Variants in PLOD2 observed in about 807,000 individuals in gnomAD.
PLOD2 encodes the protein lysine hydroxylase 2.
A neutral mutation model predicts 101.0 loss-of-function variants in PLOD2; 65 were observed. The ratio of observed to expected loss-of-function variants is 0.64; its 90% CI spans 0.53 to 0.79. The LOEUF (loss-of-function observed/expected upper bound fraction) is 0.79. PLOD2 is among the 30% of genes least tolerant of loss of function. The pLI is 0.00. For synonymous variants in PLOD2, 314 were observed against 302.9 expected, an observed-to-expected ratio of 1.04 and a Z score of -0.38; for missense variants, 909 against 914.6, an observed-to-expected ratio of 0.99 and a Z score of 0.08.
intron 1 of PLOD2, among the ~76,000 whole-genome samples, chr3:146,142,910 A>G (rs1429708115): frequency 6.6e-6 from 1 of 152,130 alleles, no homozygotes; most frequent in Non-Finnish European, 1.5e-5. Context: ...CTGATCTTAC[A>G]GTCATGTAGC....
chr3:146,117,546 C>G (rs180896033), intron 3 of PLOD2, among the ~76,000 whole-genome samples: 1 of 152,196 alleles, frequency 6.6e-6, no homozygotes, highest in African/African-American at 2.4e-5. Context: ...CTTTAACCTC[C>G]TGGTTACTTT....
intron 1 of PLOD2, among the ~76,000 whole-genome samples, chr3:146,153,938 C>A (rs2032185479): frequency 6.6e-6 from 1 of 151,654 alleles, no homozygotes; most frequent in African/African-American, 2.4e-5. Context: ...AACTAGAAAG[C>A]AAATGAGAAA....
chr3:146,082,990 CAT>C (rs1054147856), intron 11 of PLOD2, among the ~76,000 whole-genome samples: 10 of 152,260 alleles, frequency 6.6e-5, no homozygotes, highest in East Asian at 1.9e-4. Flanking sequence ...ATCAGAAACA[CAT>C]GTTTTGTTTT....
chr3:146,084,057 T>C (rs1161295750), intron 11 of PLOD2, among the ~76,000 whole-genome samples: 16 of 152,042 alleles, frequency 1.1e-4, no homozygotes, highest in African/African-American at 2.4e-5. Flanking sequence ...TTACACACTA[T>C]AGCATTTCAA....
chr3:146,075,522 A>AT (rs1936301792), intron 15 of PLOD2, among the ~76,000 whole-genome samples: 1 of 150,396 alleles, frequency 6.6e-6, no homozygotes, highest in Non-Finnish European at 1.5e-5. Context: ...AAGAAAACAG[A>AT]TTTTAAAAGG....
At chr3:146,085,302 C>T in intron 10 of PLOD2, 29 bp from the exon 11 acceptor site, 1 of 1,090,612 alleles carries the variant, frequency 9.2e-7, no homozygotes, top group Non-Finnish European at 1.4e-6. Flanking sequence ...ATGAAATGGG[C>T]ATGACATAAA....
At chr3:146,078,801 T>C (rs1388959063) in intron 13 of PLOD2, among the ~76,000 whole-genome samples, 2 of 151,964 alleles carry the variant, frequency 1.3e-5, no homozygotes, top group African/African-American at 2.4e-5. Flanking sequence ...GTTTTCACTA[T>C]AGAATTTCAA....
At position 146,088,691 on chromosome 3, in the gene PLOD2, T is replaced by G; in HGVS notation, c.900A>C (p.Ile300=). 1 of 1,607,494 alleles carries G rather than the reference T, an allele frequency of 6.2e-7. No homozygotes were observed. The highest frequency in any genetic ancestry group is 1.1e-5 in the South Asian group (1 of 90,884). Residue 300 remains isoleucine, a synonymous_variant, in exon 9 of 20, where the codon ATA becomes ATC. Transcript: ENST00000282903. ...SAVDVHPNVS[I]GVFIEQPTPF... ...GGGTTGGTTGCTCAATAAAAACACC[T>G]ATTGATACGTTTGGATGGACCTTTG...
In PLOD2 at chr3:146,081,784, A is replaced by G; in HGVS notation, c.1312T>C (p.Tyr438His). The part of the protein sequence containing the change: ...FWGALSPDGY[Y>H]ARSEDYVDIV... ...TCCACATAATCTTCAGATCGTGCAT[A>G]GTATCCATCAGGACTCAATGCTCCC... Residue 438 changes from tyrosine to histidine, a missense_variant, in exon 12 of 20, where the codon TAT becomes CAT. Transcript: ENST00000282903. 2 of 1,606,990 alleles carry G rather than the reference A, an allele frequency of 1.2e-6. No homozygotes were observed. The highest frequency in any genetic ancestry group is 1.7e-6 in the Non-Finnish European group (2 of 1,173,598).
chr3:146,082,398 T>C (rs1021045796), intron 11 of PLOD2, among the ~76,000 whole-genome samples: 2 of 152,228 alleles, frequency 1.3e-5, no homozygotes, highest in African/African-American at 2.4e-5. Context: ...CTTAAGTATG[T>C]TTCCAGTTTT....
intron 9 of PLOD2, 110 bp downstream of exon 9, chr3:146,088,476 A>G: frequency 1.3e-6 from 1 of 762,876 alleles, no homozygotes; most frequent in South Asian, 1.7e-5. Context: ...TACTCCAAAA[A>G]TCCTCCACTG....
intron 3 of PLOD2, among the ~76,000 whole-genome samples, chr3:146,113,551 C>T (rs2108075450): frequency 6.6e-6 from 1 of 152,252 alleles, no homozygotes; most frequent in South Asian, 2.1e-4. Context: ...ATTTCTTATG[C>T]CTGTCTTTAC....
chr3:146,134,491 G>T (rs1238706213), intron 1 of PLOD2, among the ~76,000 whole-genome samples: 1 of 152,164 alleles, frequency 6.6e-6, no homozygotes, highest in Non-Finnish European at 1.5e-5. Flanking sequence ...CTCCACAAAT[G>T]AATGAGAAAC....
intron 1 of PLOD2, among the ~76,000 whole-genome samples, chr3:146,153,431 C>T (rs2032158982): frequency 6.6e-6 from 1 of 152,130 alleles, no homozygotes; most frequent in Non-Finnish European, 1.5e-5. Flanking sequence ...CCCTTCTTAG[C>T]CCTGTGTGCA....
At chr3:146,131,675 G>A (rs2030920353) in intron 1 of PLOD2, among the ~76,000 whole-genome samples, 1 of 152,154 alleles carries the variant, frequency 6.6e-6, no homozygotes, top group South Asian at 2.1e-4. Context: ...CCAGGATCCT[G>A]CAGTTAAGTG....
chr3:146,085,230 C>G lies in PLOD2; in HGVS notation c.1171G>C (p.Val391Leu), dbSNP rs150981193. 1,669 of 1,609,046 alleles carry G rather than the reference C, an allele frequency of 1.0e-3. 10 individuals carry two copies. In the African/African-American group the frequency reaches 0.018, roughly 17 times the overall value. ...TTTGTCAAAACAACATCTGCATCCA[C>G]ACTAAAGTAATAATCACACTTTTCA... is the stretch of plus-strand genomic sequence containing the variant. ...QDEKCDYYFSVDADVVLTNPR... is the reference protein window; with the variant it reads ...QDEKCDYYFSLDADVVLTNPR... The change falls in exon 11 of 20, where the codon GTG becomes CTG. Residue 391 changes from valine (V) to leucine (L), a missense_variant. Transcript: ENST00000282903.
In PLOD2 at chr3:146,073,318, GA is replaced by G; in HGVS notation, c.1711del (p.Ser571GlnfsTer8). On this transcript the variant is annotated frameshift_variant, in exon 16 of 20. Coordinates refer to ENST00000282903, the MANE Select transcript of PLOD2 (RefSeq NM_182943.3). LOFTEE classifies it high-confidence loss of function. Reference protein sequence around the residue: ...WKEKYINRDYSKIFTENIVEQ... With the variant: ...WKEKYINRDYXKIFTENIVEQ... ...AACTATATTTTCAGTGAAAATCTTT[GA>G]ATAATCACGGTTTATATACTTTTCC... The G allele has an allele frequency of 8.1e-7, 1 of 1,230,432 alleles. No homozygotes were observed. The highest frequency in any genetic ancestry group is 1.2e-6 in the Non-Finnish European group (1 of 852,206). 76.2% of individuals were successfully genotyped at this position (1,230,432 alleles called of 1,614,324 possible). A position where few individuals can be genotyped will look rare whatever the true frequency, so the allele number is the denominator to read the frequency against.
At chr3:146,142,915 T>C (rs1175492566) in intron 1 of PLOD2, among the ~76,000 whole-genome samples, 1 of 152,142 alleles carries the variant, frequency 6.6e-6, no homozygotes, top group Non-Finnish European at 1.5e-5. Flanking sequence ...CTTACAGTCA[T>C]GTAGCCAGAT....
Position 146,102,798 on chromosome 3 carries a change from T to G in PLOD2, c.734A>C (p.Tyr245Ser). 6.2e-7 allele frequency: 1 copy of G among 1,606,924 alleles called. No homozygotes were observed. The change falls in exon 7 of 20, where the codon TAT becomes TCT. Residue 245 changes from tyrosine (Y) to serine (S), a missense_variant. By Grantham distance (144) the Tyr-to-Ser change is moderately radical (BLOSUM62 -2). Transcript: ENST00000282903. ...NGKARAKNTF[Y>S]ETLPVAINGN... Reference sequence around the variant, plus strand: ...ATTAATTGCCACTGGTAATGTTTCATAAAATGTATTCTTAGCTCTGGCTTT... The same window carrying G: ...ATTAATTGCCACTGGTAATGTTTCAGAAAATGTATTCTTAGCTCTGGCTTT...
Sources: allele counts gnomAD v4.1 joint callset (sites outside exome capture counted in the v4.1 genomes callset), GRCh38; gene constraint gnomAD v4.1.1; transcripts MANE v1.5; gene names NCBI Gene and HGNC (gene_info 2026-07-23, HGNC 2026-07-21).